Variants in SH3D19 observed in about 807,000 individuals in gnomAD.
The protein encoded by SH3D19 is SH3 domain containing 19.
In SH3D19, 58 loss-of-function variants were observed where a neutral mutation model predicts 112.1. That is an observed-to-expected ratio of 0.52 (90% CI 0.42 to 0.64). The LOEUF (loss-of-function observed/expected upper bound fraction) is 0.64, where lower values mean the gene tolerates loss of function less well. Among genes scored for constraint, SH3D19 ranks in the 30% least tolerant of loss-of-function variants. SH3D19 has a pLI of 0.00. For synonymous variants in SH3D19, 391 were observed against 448.5 expected (o/e 0.87, Z 1.62); for missense variants, 1,090 against 1,263.4 (o/e 0.86, Z 2.08).
intron 8 of SH3D19, among the ~76,000 whole-genome samples, chr4:151,161,638 A>T (rs28409397): frequency 0.83 from 122,842 of 147,494 alleles, 51,443 homozygotes; most frequent in Non-Finnish European, 0.91. Context: ...ATATATATAT[A>T]TATTTTAATT....
At chr4:151,219,670 AT>A (rs919319402) in intron 2 of SH3D19, among the ~76,000 whole-genome samples, 1 of 152,072 alleles carries the variant, frequency 6.6e-6, no homozygotes, top group African/African-American at 2.4e-5. Context: ...CCCTACCTGT[AT>A]TTACTTGTCT....
intron 2 of SH3D19, among the ~76,000 whole-genome samples, chr4:151,205,829 C>T (rs115505485): frequency 0.018 from 2,772 of 152,210 alleles, 74 homozygotes; most frequent in African/African-American, 0.061. Context: ...GTTATCATCC[C>T]AGTTTTAGAG....
At chr4:151,152,221 G>A (rs1755177124) in intron 9 of SH3D19, among the ~76,000 whole-genome samples, 1 of 152,170 alleles carries the variant, frequency 6.6e-6, no homozygotes, top group South Asian at 2.1e-4. Flanking sequence ...TCAAGTCTGG[G>A]TTTATGCCCA....
intron 1 of SH3D19, among the ~76,000 whole-genome samples, chr4:151,308,120 G>C (rs1335287535): frequency 3.9e-5 from 6 of 152,180 alleles, no homozygotes; most frequent in Admixed American, 3.9e-4. Flanking sequence ...TGGCCAGGCT[G>C]GTCTTGAACT....
At chr4:151,127,862 T>A in intron 18 of SH3D19, 147 bp from the exon 19 acceptor site, 2 of 480,374 alleles carry the variant, frequency 4.2e-6, no homozygotes, top group South Asian at 6.1e-5. Flanking sequence ...AAAACATTTT[T>A]AAAAACATGT....
intron 8 of SH3D19, 134 bp from the exon 9 acceptor site, chr4:151,159,486 G>C (rs1246193938): frequency 2.3e-5 from 14 of 603,186 alleles, no homozygotes; most frequent in African/African-American, 3.9e-5. Flanking sequence ...AAATGAGAAA[G>C]AGCTCCCAGC....
At chr4:151,273,589 CA>C (rs60600816) in intron 1 of SH3D19, among the ~76,000 whole-genome samples, 710 of 64,534 alleles carry the variant, frequency 0.011, 1 homozygote, top group South Asian at 0.059. Flanking sequence ...GACTCCATCT[CA>C]AAAAAAAAAA....
At chr4:151,296,136 C>T (rs907074459) in intron 1 of SH3D19, among the ~76,000 whole-genome samples, 3 of 151,858 alleles carry the variant, frequency 2.0e-5, no homozygotes, top group African/African-American at 7.3e-5. Flanking sequence ...AATAGGTAAA[C>T]TGTATGGTAT....
At chr4:151,163,912 A>G (rs779650634) in intron 8 of SH3D19, among the ~76,000 whole-genome samples, 8 of 152,202 alleles carry the variant, frequency 5.3e-5, no homozygotes, top group Non-Finnish European at 8.8e-5. Flanking sequence ...TAACATTAAA[A>G]TATTACCTCT....
chr4:151,313,791 T>C (rs1729730067), intron 1 of SH3D19, among the ~76,000 whole-genome samples: 1 of 152,088 alleles, frequency 6.6e-6, no homozygotes, highest in African/African-American at 2.4e-5. Flanking sequence ...AGCCTATATG[T>C]TGAGGGGAAT....
chr4:151,232,999 C>T (rs1419277340), intron 1 of SH3D19, among the ~76,000 whole-genome samples: 2 of 152,152 alleles, frequency 1.3e-5, no homozygotes, highest in Admixed American at 6.5e-5. Context: ...AGGAAGCAAG[C>T]AAGAATTTCT....
chr4:151,126,938 G>A (rs909627249), intron 19 of SH3D19, among the ~76,000 whole-genome samples: 8 of 148,248 alleles, frequency 5.4e-5, no homozygotes, highest in Admixed American at 4.7e-4. Flanking sequence ...CCAAACCTCT[G>A]GTCATTGCCT....
rs1021080047 is a variant in SH3D19, at chr4:151,147,951, G to A, written c.2053C>T (p.Pro685Ser). 3 of 1,613,322 alleles carry A rather than the reference G, an allele frequency of 1.9e-6. No individual in the cohort carries two copies. The African/African-American group carries it at 4.0e-5, about 22-fold the overall frequency. Residue 685 changes from proline (P) to serine (S), a missense_variant, in exon 11 of 20, where the codon CCA (proline) becomes TCA (serine). Physicochemically the swap from Pro to Ser is moderately conservative, Grantham distance 74 (BLOSUM62 -1). Transcript: ENST00000604030. ...QDPVLPPRPKPGHPLYSKYMR... is the reference protein window; with the variant it reads ...QDPVLPPRPKSGHPLYSKYMR... ...TATTTACTGTAGAGAGGGTGTCCTG[G>A]TTTGGGACGAGGGGGTAGCACCGGA...
chr4:151,176,266 TG>T (rs938578443), intron 6 of SH3D19, among the ~76,000 whole-genome samples: 2 of 152,206 alleles, frequency 1.3e-5, no homozygotes, highest in Non-Finnish European at 2.9e-5. Flanking sequence ...AGGGAATCAA[TG>T]GTAATACCCA....
intron 1 of SH3D19, chr4:151,300,507 A>G (rs974839525): frequency 6.6e-6 from 1 of 152,174 alleles, no homozygotes; most frequent in Non-Finnish European, 1.5e-5. Context: ...AATAAAAGGT[A>G]GTATGGCCAT....
chr4:151,221,614 A>C (rs146522453), intron 2 of SH3D19, among the ~76,000 whole-genome samples: 43 of 152,294 alleles, frequency 2.8e-4, no homozygotes, highest in African/African-American at 1.0e-3. Context: ...AAAAATACTG[A>C]TATTTCCCTT....
chr4:151,316,072 T>C (rs989420859), intron 1 of SH3D19, among the ~76,000 whole-genome samples: 1 of 152,180 alleles, frequency 6.6e-6, no homozygotes, highest in Admixed American at 6.5e-5. Context: ...TCACAAGCAC[T>C]ACCTCTGCCA....
chr4:151,176,303 T>G (rs1759952880), intron 6 of SH3D19, among the ~76,000 whole-genome samples: 1 of 152,212 alleles, frequency 6.6e-6, no homozygotes, highest in Admixed American at 6.5e-5. Flanking sequence ...ATAATGTTTT[T>G]GTGATATAAA....
intron 1 of SH3D19, 108 bp downstream of exon 1, chr4:151,325,133 G>C (rs1309418256): frequency 2.8e-5 from 14 of 505,330 alleles, no homozygotes; most frequent in Admixed American, 4.6e-5. Flanking sequence ...TAAAGAAGCC[G>C]GTCCCATCCC....
Sources: allele counts gnomAD v4.1 joint callset (sites outside exome capture counted in the v4.1 genomes callset), GRCh38; gene constraint gnomAD v4.1.1; transcripts MANE v1.5; gene names NCBI Gene and HGNC (gene_info 2026-07-23, HGNC 2026-07-21).